SIRPA: variants seen among roughly 807,000 people sequenced by gnomAD.
SIRPA encodes the protein tyrosine-protein phosphatase non-receptor type substrate 1.
In SIRPA, 9 loss-of-function variants were observed where a neutral mutation model predicts 50.3. The ratio of observed to expected loss-of-function variants is 0.18; its 90% CI spans 0.11 to 0.31. The LOEUF (loss-of-function observed/expected upper bound fraction) is 0.31. SIRPA is among the 10% of genes least tolerant of loss of function. The probability of loss-of-function intolerance (pLI) is 1.00; values close to 1 mark genes in which losing one functional copy is unlikely to be tolerated. For synonymous variants in SIRPA, 265 were observed against 284.1 expected (o/e 0.93, Z 0.68); for missense variants, 474 against 661.6 (o/e 0.72, Z 3.11).
Position 1,932,404 on chromosome 20 carries a change from C to T in SIRPA, c.1227-2311C>T, listed in dbSNP as rs764929403. Among the ~76,000 whole-genome samples the T allele has an allele frequency of 1.4e-4, 22 of 152,130 alleles. No individual in the cohort carries two copies. The highest frequency in any genetic ancestry group is 3.1e-4 in the Non-Finnish European group (21 of 68,026). ...CAAGGGAATATCTGGGACAAGACTGCACCAATCAAAGGGAACAGCCAGTGC... is the reference window on the plus strand; with the variant it reads ...CAAGGGAATATCTGGGACAAGACTGTACCAATCAAAGGGAACAGCCAGTGC... On this transcript the variant is annotated intron_variant, in intron 6 of 7. Transcript: ENST00000358771. This position sits in a 1 kb window ranked among gnomAD's most constrained non-coding sequence, Gnocchi z 6.0.
At chr20:1,912,891 C>G (rs960263045) in intron 1 of SIRPA, among the ~76,000 whole-genome samples, 4 of 152,244 alleles carry the variant, frequency 2.6e-5, no homozygotes, top group Non-Finnish European at 4.4e-5. Flanking sequence ...AAGTTCCTAG[C>G]TCAGTGCTGC....
intron 1 of SIRPA, among the ~76,000 whole-genome samples, chr20:1,901,020 A>T (rs755898811): frequency 6.6e-6 from 1 of 152,148 alleles, no homozygotes; most frequent in Non-Finnish European, 1.5e-5. Flanking sequence ...CACAGAGCCT[A>T]TGTGGTTAAC....
rs1023703506 is a variant in SIRPA at position 1,939,698 on chromosome 20, C to G, written c.*2130C>G. ...ATAGCTTTAGCTTTAGCCTGGCAAC[C>G]TGGAGAATCCACATACCTTGTGTAT... is the stretch of plus-strand genomic sequence containing the variant. On this transcript the variant is annotated 3_prime_UTR_variant, in exon 8 of 8. Transcript: ENST00000358771. The surrounding 1 kb of genome is among the most constrained non-coding windows in gnomAD (Gnocchi z 4.7). 6.6e-6 allele frequency: 1 copy of G among 152,610 alleles called. No individual in the cohort carries two copies. The highest frequency in any genetic ancestry group is 6.5e-5 in the Admixed American group (1 of 15,286). 9.5% of individuals were successfully genotyped at this position (152,610 alleles called of 1,614,324 possible).
rs1986628468 is a variant in SIRPA, at chr20:1,937,259, G to A, written c.1267-61G>A. ...CAGACTTGGTATTCAGTTTGAGTGAGTGGGCCAGGGGCTATAGAATGACCT... is the reference window on the plus strand; with the variant it reads ...CAGACTTGGTATTCAGTTTGAGTGAATGGGCCAGGGGCTATAGAATGACCT... On this transcript the variant is annotated intron_variant, in intron 7 of 7. Transcript: ENST00000358771. The surrounding 1 kb of genome is among the most constrained non-coding windows in gnomAD (Gnocchi z 8.3). The A allele has an allele frequency of 1.3e-6, 2 of 1,561,884 alleles. No individual in the cohort carries two copies. Among genetic ancestry groups the A allele is most frequent in the African/African-American group, 1.4e-5 (1 of 73,742 alleles).
At chr20:1,900,022 G>A (rs185336364) in intron 1 of SIRPA, among the ~76,000 whole-genome samples, 1 of 151,788 alleles carries the variant, frequency 6.6e-6, no homozygotes, top group Admixed American at 6.6e-5. Context: ...TTACACATAG[G>A]GGGTACTTAA....
intron 1 of SIRPA, among the ~76,000 whole-genome samples, chr20:1,907,745 T>G (rs1370857634): frequency 2.0e-5 from 3 of 152,234 alleles, no homozygotes; most frequent in Non-Finnish European, 4.4e-5. Flanking sequence ...TTGGCTCTGT[T>G]TTCTGTGGTA....
At position 1,934,640 on chromosome 20, in the gene SIRPA, T is replaced by A. The variant is rs1986468557; in HGVS notation, c.1227-75T>A. The A allele has an allele frequency of 6.9e-7, 1 of 1,447,092 alleles. No homozygotes were observed. Among genetic ancestry groups the A allele is most frequent in the African/African-American group, 1.4e-5 (1 of 71,412 alleles). 89.6% of individuals were successfully genotyped at this position (1,447,092 alleles called of 1,614,324 possible). Reference sequence around the variant, plus strand: ...ACCCATATAGAAAATGGAGCCTAAATGTTATTCTTATCAGTTTGCATGAGC... The same window carrying A: ...ACCCATATAGAAAATGGAGCCTAAAAGTTATTCTTATCAGTTTGCATGAGC... On this transcript the variant is annotated intron_variant, in intron 6 of 7. Transcript: ENST00000358771. The surrounding 1 kb of genome is among the most constrained non-coding windows in gnomAD (Gnocchi z 4.6).
Position 1,928,085 on chromosome 20 carries a change from GT to G in SIRPA, c.1226+193del, listed in dbSNP as rs972924289. Among the ~76,000 whole-genome samples, 9 of 152,048 alleles carry G rather than the reference GT, an allele frequency of 5.9e-5. No individual in the cohort carries two copies. Among genetic ancestry groups the G allele is most frequent in the Non-Finnish European group, 1.3e-4 (9 of 68,008 alleles). ...TTTTAATTATTGTCCCAAATGAGGG[GT>G]TTTTTTGGTGCACAGAGGTGCTAAT... On this transcript the variant is annotated intron_variant, in intron 6 of 7. Coordinates refer to ENST00000358771, the MANE Select transcript of SIRPA (RefSeq NM_001040023.2). This position sits in a 1 kb window ranked among gnomAD's most constrained non-coding sequence, Gnocchi z 4.9.
At chr20:1,920,518 C>T (rs965495598) in intron 2 of SIRPA, among the ~76,000 whole-genome samples, 8 of 152,170 alleles carry the variant, frequency 5.3e-5, no homozygotes, top group Non-Finnish European at 1.0e-4. Context: ...GTGCTTCTGC[C>T]TGCTTGGGCG....
intron 1 of SIRPA, among the ~76,000 whole-genome samples, chr20:1,905,766 T>C (rs1984509266): frequency 6.6e-6 from 1 of 152,250 alleles, no homozygotes; most frequent in Non-Finnish European, 1.5e-5. Context: ...TTACACAGAT[T>C]TGCAGTTCTT....
chr20:1,918,019 T>C (rs900907398), intron 2 of SIRPA, among the ~76,000 whole-genome samples: 7 of 152,136 alleles, frequency 4.6e-5, no homozygotes, highest in Non-Finnish European at 8.8e-5. Flanking sequence ...GAAATGCCCA[T>C]TGGGTACATG....
upstream of SIRPA, chr20:1,894,873 G>A (rs1329140905): frequency 6.8e-6 from 1 of 147,536 alleles, no homozygotes; most frequent in Non-Finnish European, 1.5e-5. This position sits in a 1 kb window ranked among gnomAD's most constrained non-coding sequence, Gnocchi z 4.0. Context: ...AGGAGGGAGG[G>A]GGTCGGGCTG....
At position 1,937,454 on chromosome 20, in the gene SIRPA, C is replaced by T. The variant is rs532893662; in HGVS notation, c.1401C>T (p.Thr467=). The change falls in exon 8 of 8, where the codon ACC becomes ACT. Residue 467 remains threonine (T), a synonymous_variant. Coordinates refer to ENST00000358771, the MANE Select transcript of SIRPA (RefSeq NM_001040023.2). This position sits in a 1 kb window ranked among gnomAD's most constrained non-coding sequence, Gnocchi z 8.3. Reference sequence around the variant, plus strand: ...GCCCGCAGCCCGCGTCGGAGGACACCCTCACCTATGCTGACCTGGACATGG... The same window carrying T: ...GCCCGCAGCCCGCGTCGGAGGACACTCTCACCTATGCTGACCTGGACATGG... ...QTSPQPASED[T]LTYADLDMVH... 8.7e-6 allele frequency: 14 copies of T among 1,613,992 alleles called. No homozygotes were observed. The highest frequency in any genetic ancestry group is 1.2e-5 in the Non-Finnish European group (14 of 1,180,018).
intron 2 of SIRPA, 95 bp downstream of exon 2, chr20:1,915,550 A>G (rs1175200832): frequency 6.3e-6 from 9 of 1,429,742 alleles, no homozygotes; most frequent in Non-Finnish European, 8.7e-6. Flanking sequence ...GTGTGGTGGT[A>G]GGTGCTCCTT....
At position 1,924,817 on chromosome 20, in the gene SIRPA, A is replaced by C; in HGVS notation, c.1141A>C (p.Thr381Pro). ...CTATATTGTGGTGGGTGTGGTGTGC[A>C]CCTTGCTGGTGGCCCTACTGATGGC... ...NIYIVVGVVCTLLVALLMAAL... is the reference protein window; with the variant it reads ...NIYIVVGVVCPLLVALLMAAL... The change falls in exon 5 of 8, where the codon ACC becomes CCC. Residue 381 changes from threonine (T) to proline (P), a missense_variant. By Grantham distance (38) the Thr-to-Pro change is conservative. Around this residue, in one of 4 missense-constraint regions of SIRPA, gnomAD observed 180 missense variants for 206.7 expected, o/e 0.87. Coordinates refer to ENST00000358771, the MANE Select transcript of SIRPA (RefSeq NM_001040023.2). The surrounding 1 kb of genome is among the most constrained non-coding windows in gnomAD (Gnocchi z 4.5). The C allele has an allele frequency of 6.2e-7, 1 of 1,614,128 alleles. No individual in the cohort carries two copies. The highest frequency in any genetic ancestry group is 8.5e-7 in the Non-Finnish European group (1 of 1,180,018).
chr20:1,931,959 G>C (rs549801183), intron 6 of SIRPA, among the ~76,000 whole-genome samples: 8 of 152,324 alleles, frequency 5.3e-5, no homozygotes, highest in African/African-American at 1.9e-4. Flanking sequence ...TCGGGACTGA[G>C]CCTAACTCAG....
intron 6 of SIRPA, among the ~76,000 whole-genome samples, chr20:1,929,985 C>T (rs1179757808): frequency 6.6e-6 from 1 of 152,092 alleles, no homozygotes; most frequent in African/African-American, 2.4e-5. Context: ...ACTGTGCTCC[C>T]CCCTTCCCTC....
chr20:1,921,188 C>T (rs577807275), intron 2 of SIRPA, among the ~76,000 whole-genome samples: 1 of 152,346 alleles, frequency 6.6e-6, no homozygotes, highest in African/African-American at 2.4e-5. Flanking sequence ...TGCCCCTACA[C>T]TGTCTGACCT....
chr20:1,925,382 T>A (rs6081200), intron 5 of SIRPA, among the ~76,000 whole-genome samples: 92,920 of 151,574 alleles, frequency 0.61, 29,580 homozygotes, highest in African/African-American at 0.79. Context: ...GTGCTCAATG[T>A]ATGTCAGCCC....
Sources: allele counts gnomAD v4.1 joint callset (sites outside exome capture counted in the v4.1 genomes callset), GRCh38; gene constraint gnomAD v4.1.1; regional missense constraint gnomAD v4.1.1; non-coding constraint Gnocchi (gnomAD v3.1); transcripts MANE v1.5; gene names NCBI Gene and HGNC (gene_info 2026-07-23, HGNC 2026-07-21).